The following PEBP4 variants were observed in gnomAD, a reference collection of about 807,000 sequenced individuals.
PEBP4 encodes the protein phosphatidylethanolamine binding protein 4.
Under a neutral mutation model 23.9 loss-of-function variants are expected in PEBP4, and 22 were observed. That is an observed-to-expected ratio of 0.92 (90% confidence interval 0.66 to 1.31). PEBP4 has a LOEUF of 1.31. Ranked by LOEUF, PEBP4 falls within the 40% of genes most tolerant of loss-of-function variation. The pLI is 0.00. For missense variants in PEBP4, 324 were observed against 281.7 expected, an observed-to-expected ratio of 1.15 and a Z score of -1.07; for synonymous variants, 112 against 99.3, an observed-to-expected ratio of 1.13 and a Z score of -0.76.
chr8:22,890,396 C>A (rs139818398), intron 3 of PEBP4, among the ~76,000 whole-genome samples: 166 of 152,342 alleles, frequency 1.1e-3, no homozygotes, highest in Middle Eastern at 3.4e-3. Flanking sequence ...ATTTTAGGAA[C>A]TTTATGTCAA....
chr8:22,828,860 C>T (rs886819112), intron 3 of PEBP4, among the ~76,000 whole-genome samples: 3 of 152,120 alleles, frequency 2.0e-5, no homozygotes, highest in Non-Finnish European at 2.9e-5. Context: ...CAATCTTTCC[C>T]TCTCTATCTC....
At chr8:22,936,004 C>T (rs1422126388) in intron 1 of PEBP4, among the ~76,000 whole-genome samples, 1 of 143,588 alleles carries the variant, frequency 7.0e-6, no homozygotes, top group African/African-American at 2.6e-5. Flanking sequence ...AAATTTACAC[C>T]TTAAGGAGCT....
intron 3 of PEBP4, among the ~76,000 whole-genome samples, chr8:22,824,413 C>A (rs77227393): frequency 2.0e-3 from 301 of 152,304 alleles, no homozygotes; most frequent in African/African-American, 6.8e-3. Flanking sequence ...TAACCCTACA[C>A]TGCTGCCTGA....
chr8:22,762,483 T>C (rs1330996293), intron 4 of PEBP4, among the ~76,000 whole-genome samples: 1 of 152,230 alleles, frequency 6.6e-6, no homozygotes, highest in Non-Finnish European at 1.5e-5. Flanking sequence ...CTTTTGCCCA[T>C]GGTTGAGAAA....
chr8:22,911,530 T>A (rs1035663408), intron 3 of PEBP4, among the ~76,000 whole-genome samples: 1 of 152,180 alleles, frequency 6.6e-6, no homozygotes, highest in Non-Finnish European at 1.5e-5. Flanking sequence ...TAACACATGA[T>A]ACTGCTCTTC....
intron 3 of PEBP4, chr8:22,885,220 G>A (rs529690763): frequency 3.3e-5 from 5 of 152,274 alleles, no homozygotes; most frequent in South Asian, 2.1e-4. Context: ...TATGAGTGCT[G>A]AGGAATTCAC....
chr8:22,743,304 G>GAACA lies in PEBP4; in HGVS notation c.358-16085_358-16084insTGTT, dbSNP rs1353304718. On this transcript the variant is annotated intron_variant, in intron 4 of 6. Transcript: ENST00000256404. ...AAGCAGAAGCAGAGCTCCCTTTGGG[G>GAACA]GAGAAACCCCCTCAGTTTCTACTGT... is the stretch of plus-strand genomic sequence containing the variant. Among the ~76,000 whole-genome samples, 134 of 152,270 alleles carry GAACA rather than the reference G, an allele frequency of 8.8e-4. 1 individual carries two copies. The highest frequency in any genetic ancestry group is 3.1e-3 in the African/African-American group (127 of 41,520).
intron 3 of PEBP4, among the ~76,000 whole-genome samples, chr8:22,848,845 T>A (rs11986481): frequency 0.02 from 3,002 of 152,322 alleles, 88 homozygotes; most frequent in African/African-American, 0.069. Flanking sequence ...TGTTTCCCTT[T>A]GAAGAACTAT....
intron 4 of PEBP4, among the ~76,000 whole-genome samples, chr8:22,808,690 C>G (rs1806553290): frequency 6.6e-6 from 1 of 152,146 alleles, no homozygotes; most frequent in African/African-American, 2.4e-5. Context: ...GCTCCCAATT[C>G]CCACAGCAAT....
intron 3 of PEBP4, among the ~76,000 whole-genome samples, chr8:22,827,855 T>C (rs1807004718): frequency 1.3e-5 from 2 of 152,238 alleles, no homozygotes; most frequent in Non-Finnish European, 1.5e-5. Flanking sequence ...CACCAGAAGG[T>C]TCTAGTTTCT....
chr8:22,817,841 G>A, intron 3 of PEBP4, 106 bp from the exon 4 acceptor site: 3 of 960,162 alleles, frequency 3.1e-6, no homozygotes, highest in Non-Finnish European at 4.9e-6. Context: ...TGGCTGAGTA[G>A]CCCCTATGGC....
chr8:22,865,856 G>A lies in PEBP4; in HGVS notation c.259-48121C>T, dbSNP rs1202561470. ...GCTCGAACTCCCGACAAGACTGAGCGCAGGGCCCACCCCGGCTGTCCCAGC... is the reference window on the plus strand; with the variant it reads ...GCTCGAACTCCCGACAAGACTGAGCACAGGGCCCACCCCGGCTGTCCCAGC... On this transcript the variant is annotated intron_variant, in intron 3 of 6. Transcript: ENST00000256404. This position sits in a 1 kb window ranked among gnomAD's most constrained non-coding sequence, Gnocchi z 6.9. 6.6e-6 allele frequency among the ~76,000 whole-genome samples: 1 copy of A among 152,160 alleles called. No homozygotes were observed. The highest frequency in any genetic ancestry group is 1.5e-5 in the Non-Finnish European group (1 of 68,012).
chr8:22,747,673 GCTGAGTAGC>G (rs992352273), intron 4 of PEBP4: 3 of 152,222 alleles, frequency 2.0e-5, no homozygotes, highest in Non-Finnish European at 4.4e-5. Context: ...GCGCTGCCTC[GCTGAGTAGC>G]CTGAGACTAG....
At chr8:22,738,033 G>T (rs73671273) in intron 4 of PEBP4, among the ~76,000 whole-genome samples, 8,272 of 152,234 alleles carry the variant, frequency 0.054, 243 homozygotes, top group East Asian at 0.13. Context: ...AAGTCTCCTG[G>T]CAGGGCCAGC....
Position 22,914,937 on chromosome 8 carries a change from G to C in PEBP4, c.258+5247C>G, listed in dbSNP as rs1326820772. On this transcript the variant is annotated intron_variant, in intron 3 of 6. Coordinates refer to ENST00000256404, the MANE Select transcript of PEBP4 (RefSeq NM_144962.3). ...ATGCCCAATGACACACATTGTCCTG[G>C]CATAACTATTAACAGCATCCCCCTT... Among the ~76,000 whole-genome samples the C allele has an allele frequency of 2.6e-5, 4 of 152,034 alleles. No individual in the cohort carries two copies. The East Asian group carries it at 7.7e-4, about 29-fold the overall frequency.
chr8:22,851,888 A>G (rs1220453371), intron 3 of PEBP4, among the ~76,000 whole-genome samples: 1 of 152,126 alleles, frequency 6.6e-6, no homozygotes, highest in Non-Finnish European at 1.5e-5. Flanking sequence ...CAAGGCCCTG[A>G]TCATTTACTC....
At chr8:22,883,863 C>T (rs2128772999) in intron 3 of PEBP4, 1 of 152,032 alleles carries the variant, frequency 6.6e-6, no homozygotes, top group Middle Eastern at 3.4e-3. Context: ...TCTCAGGTGG[C>T]TTAAATTTTG....
intron 4 of PEBP4, among the ~76,000 whole-genome samples, chr8:22,805,959 G>A (rs1806486520): frequency 6.6e-6 from 1 of 152,134 alleles, no homozygotes; most frequent in Non-Finnish European, 1.5e-5. Flanking sequence ...TCAATGGTCT[G>A]AAACCTTTAC....
intron 3 of PEBP4, among the ~76,000 whole-genome samples, chr8:22,875,610 C>A (rs1417783006): frequency 2.0e-5 from 3 of 152,196 alleles, no homozygotes; most frequent in Non-Finnish European, 4.4e-5. Flanking sequence ...GACCCCGCTT[C>A]ACAGTTAGTC....
Sources: gnomAD v4.1 joint callset for allele counts (sites outside exome capture counted in the v4.1 genomes callset) on GRCh38, gnomAD v4.1.1 for gene constraint, Gnocchi (gnomAD v3.1) non-coding constraint, MANE v1.5 for transcripts, NCBI Gene and HGNC (gene_info 2026-07-23, HGNC 2026-07-21) for gene names.